Variants in RALGAPA2 observed in about 807,000 individuals in gnomAD.
RALGAPA2 encodes the protein ral GTPase-activating protein subunit alpha-2.
In RALGAPA2, 139 loss-of-function variants were observed where a neutral mutation model predicts 230.4. That is an observed-to-expected ratio of 0.60 (90% confidence interval 0.53 to 0.69). The LOEUF (loss-of-function observed/expected upper bound fraction) is 0.69. Among genes scored for constraint, RALGAPA2 ranks in the 30% least tolerant of loss-of-function variants. The pLI, the probability that RALGAPA2 is intolerant of heterozygous loss-of-function variation, is 0.00. For synonymous variants in RALGAPA2, 847 were observed against 837.8 expected, an observed-to-expected ratio of 1.01 and a Z score of -0.19; for missense variants, 2,163 against 2,276.0, an observed-to-expected ratio of 0.95 and a Z score of 1.01.
At chr20:20,535,646 A>T in intron 26 of RALGAPA2, 99 bp downstream of exon 26, 2 of 1,444,304 alleles carry the variant, frequency 1.4e-6, no homozygotes, top group East Asian at 2.6e-5. Context: ...TATAAGAGCT[A>T]TGTGAAAGAA....
In RALGAPA2 at chr20:20,601,806, C is replaced by A; in HGVS notation, c.2079G>T (p.Arg693Ser). ...GGCTCCGCCAGCTGAGAGAAAAGGA[C>A]CTCCCCACGGTGGTTCCTTTCTGAG... The part of the protein sequence containing the change: ...LDPQKGTTVG[R>S]SFSLSWRSHP... Residue 693 changes from arginine to serine, a missense_variant, in exon 16 of 40, where the codon AGG becomes AGT. Physicochemically the swap from Arg to Ser is moderately radical, Grantham distance 110 (BLOSUM62 -1). Coordinates refer to ENST00000202677, the MANE Select transcript of RALGAPA2 (RefSeq NM_020343.4). 2 of 1,613,292 alleles carry A rather than the reference C, an allele frequency of 1.2e-6. No homozygotes were observed. Among genetic ancestry groups the A allele is most frequent in the Non-Finnish European group, 1.7e-6 (2 of 1,179,548 alleles).
intron 36 of RALGAPA2, among the ~76,000 whole-genome samples, chr20:20,482,903 T>C (rs949733720): frequency 4.5e-4 from 69 of 152,342 alleles, no homozygotes; most frequent in African/African-American, 1.6e-3. Flanking sequence ...CTGCAGAAAT[T>C]ACCAGCTTGC....
intron 5 of RALGAPA2, among the ~76,000 whole-genome samples, chr20:20,641,090 A>T (rs1055028242): frequency 3.3e-5 from 5 of 152,188 alleles, no homozygotes; most frequent in Non-Finnish European, 5.9e-5. Context: ...CCTGGGTTCA[A>T]ATGTAAGCGC....
At chr20:20,598,033 A>T (rs1007023995) in intron 16 of RALGAPA2, among the ~76,000 whole-genome samples, 1 of 152,218 alleles carries the variant, frequency 6.6e-6, no homozygotes, top group African/African-American at 2.4e-5. Flanking sequence ...TGAAGTAAGT[A>T]GGCCAAAAAT....
chr20:20,498,176 C>T (rs144929413), intron 35 of RALGAPA2, among the ~76,000 whole-genome samples: 2 of 152,266 alleles, frequency 1.3e-5, no homozygotes, highest in African/African-American at 4.8e-5. Flanking sequence ...AGAAACCCAT[C>T]AGTGAGTTCG....
intron 4 of RALGAPA2, among the ~76,000 whole-genome samples, chr20:20,646,867 T>C (rs2067232453): frequency 6.6e-6 from 1 of 150,704 alleles, no homozygotes; most frequent in Non-Finnish European, 1.5e-5. Flanking sequence ...AGAAAAAGGG[T>C]ATACTTCTGT....
intron 1 of RALGAPA2, among the ~76,000 whole-genome samples, chr20:20,705,149 C>T (rs1179158212): frequency 6.6e-6 from 1 of 152,234 alleles, no homozygotes; most frequent in East Asian, 1.9e-4. Flanking sequence ...AACATCCAAA[C>T]ACAGACTTAC....
At chr20:20,519,933 G>A (rs962483013) in intron 31 of RALGAPA2, among the ~76,000 whole-genome samples, 12 of 151,652 alleles carry the variant, frequency 7.9e-5, no homozygotes, top group African/African-American at 2.4e-4. Flanking sequence ...GTGCAGTGGC[G>A]CTGATCACAG....
chr20:20,490,122 T>C (rs1211448569), intron 36 of RALGAPA2, among the ~76,000 whole-genome samples: 6 of 152,224 alleles, frequency 3.9e-5, no homozygotes, highest in Non-Finnish European at 8.8e-5. Context: ...TCCATCTGTA[T>C]CAAGGCTTAT....
intron 24 of RALGAPA2, among the ~76,000 whole-genome samples, chr20:20,543,956 C>G (rs896526479): frequency 6.6e-6 from 1 of 151,028 alleles, no homozygotes; most frequent in African/African-American, 2.4e-5. Context: ...AACAAACAAA[C>G]AAACAACCCC....
At chr20:20,539,424 T>G (rs1028824913) in intron 24 of RALGAPA2, among the ~76,000 whole-genome samples, 1 of 152,206 alleles carries the variant, frequency 6.6e-6, no homozygotes, top group Non-Finnish European at 1.5e-5. Context: ...TTCTCTCTCT[T>G]TTTAAAAAAA....
At chr20:20,524,944 C>T (rs777157668) in intron 28 of RALGAPA2, 46 bp from the exon 29 acceptor site, 1 of 1,520,112 alleles carries the variant, frequency 6.6e-7, no homozygotes, top group South Asian at 1.2e-5. Flanking sequence ...TATTTGTAAG[C>T]CTTTGTAAGC....
chr20:20,611,380 G>T lies in RALGAPA2; in HGVS notation c.1735C>A (p.Gln579Lys). Reference protein sequence around the residue: ...ILLRITEAVMQKPKDKQIKDL... With the variant: ...ILLRITEAVMKKPKDKQIKDL... The stretch of plus-strand genomic sequence containing the variant: ...TTTATTTGTTTATCCTTTGGCTTCT[G>T]CATGACAGCTTCTGTTATCCTGAGT... The change falls in exon 14 of 40, where the codon CAG (glutamine) becomes AAG (lysine). Residue 579 changes from glutamine (Q) to lysine (K), a missense_variant. By Grantham distance (53) the Gln-to-Lys change is moderately conservative. Transcript: ENST00000202677. The T allele has an allele frequency of 6.2e-7, 1 of 1,613,542 alleles. No homozygotes were observed. The highest frequency in any genetic ancestry group is 2.2e-5 in the East Asian group (1 of 44,856).
At chr20:20,523,181 T>A (rs969073526) in intron 30 of RALGAPA2, among the ~76,000 whole-genome samples, 2 of 152,158 alleles carry the variant, frequency 1.3e-5, no homozygotes, top group Non-Finnish European at 2.9e-5. Context: ...TCAGTGGACA[T>A]GCAAATGCTA....
At chr20:20,572,728 T>C in intron 21 of RALGAPA2, 147 bp downstream of exon 21, 1 of 698,814 alleles carries the variant, frequency 1.4e-6, no homozygotes, top group Non-Finnish European at 2.2e-6. Context: ...TTATATATGA[T>C]TATTCTTTGA....
At chr20:20,512,136 C>T (rs895556825) in intron 32 of RALGAPA2, among the ~76,000 whole-genome samples, 4 of 151,634 alleles carry the variant, frequency 2.6e-5, no homozygotes, top group Admixed American at 2.0e-4. Context: ...TGCCGTGAGC[C>T]GAGACCATGC....
intron 37 of RALGAPA2, among the ~76,000 whole-genome samples, chr20:20,416,134 G>T (rs1024701446): frequency 6.6e-6 from 1 of 152,196 alleles, no homozygotes; most frequent in Non-Finnish European, 1.5e-5. Context: ...TCTCAGGACG[G>T]CTGGGAAGAT....
intron 1 of RALGAPA2, among the ~76,000 whole-genome samples, chr20:20,701,733 GAATA>G (rs749837795): frequency 3.0e-4 from 43 of 142,038 alleles, no homozygotes; most frequent in African/African-American, 1.0e-3. Context: ...TCATCTCAAA[GAATA>G]AATAAATAAA....
At chr20:20,552,470 CCTGT>C (rs2063954724) in intron 23 of RALGAPA2, among the ~76,000 whole-genome samples, 2 of 152,076 alleles carry the variant, frequency 1.3e-5, no homozygotes, top group African/African-American at 2.4e-5. Flanking sequence ...AGAGAAGATG[CCTGT>C]CTTTTACCTA....
Sources: gnomAD v4.1 joint callset for allele counts (sites outside exome capture counted in the v4.1 genomes callset) on GRCh38, gnomAD v4.1.1 for gene constraint, MANE v1.5 for transcripts, NCBI Gene and HGNC (gene_info 2026-07-23, HGNC 2026-07-21) for gene names.